Variants in TENM3 observed in about 807,000 individuals in gnomAD.
TENM3 encodes teneurin transmembrane protein 3.
A neutral mutation model predicts 255.1 loss-of-function variants in TENM3; 63 were observed. That is an observed-to-expected ratio of 0.25 (90% CI 0.20 to 0.30). TENM3 has a LOEUF of 0.30. Ranked by LOEUF, TENM3 falls within the 10% of genes least tolerant of loss-of-function variation. The pLI is 1.00. For missense variants in TENM3, 2,929 were observed against 3,461.1 expected (o/e 0.85, Z 3.86); for synonymous variants, 1,306 against 1,322.3 (o/e 0.99, Z 0.27).
intron 1 of TENM3, among the ~76,000 whole-genome samples, chr4:182,163,609 T>G (rs1400071969): frequency 6.6e-6 from 1 of 152,200 alleles, no homozygotes; most frequent in African/African-American, 2.4e-5. Context: ...TGCTGCACTT[T>G]TAGTTTATTA....
chr4:182,094,842 G>A, the TENM3 span, among the ~76,000 whole-genome samples: 6 of 151,160 alleles, frequency 4.0e-5, no homozygotes, highest in African/African-American at 7.3e-5. Flanking sequence ...GGAAAGAATC[G>A]GAAATTAAAG....
At chr4:182,495,313 A>G (rs1303211981) in intron 3 of TENM3, among the ~76,000 whole-genome samples, 1 of 152,194 alleles carries the variant, frequency 6.6e-6, no homozygotes, top group East Asian at 1.9e-4. Context: ...GCTGCTGTGA[A>G]CATGGTTATT....
At chr4:181,770,566 T>G in the TENM3 span, among the ~76,000 whole-genome samples, 845 of 151,272 alleles carry the variant, frequency 5.6e-3, 7 homozygotes, top group African/African-American at 0.02. Flanking sequence ...TCCCAGCTAC[T>G]TGGGAGGCTG....
At chr4:181,641,380 G>A in the TENM3 span, among the ~76,000 whole-genome samples, 44 of 150,988 alleles carry the variant, frequency 2.9e-4, no homozygotes, top group Non-Finnish European at 5.2e-4. Context: ...TCCCCTCCCT[G>A]TGTCCACGTT....
chr4:181,735,082 T>TA, the TENM3 span, among the ~76,000 whole-genome samples: 1 of 151,986 alleles, frequency 6.6e-6, no homozygotes, highest in Non-Finnish European at 1.5e-5. Context: ...ACTGGGTATG[T>TA]AAAAAATATA....
the TENM3 span, among the ~76,000 whole-genome samples, chr4:181,615,964 C>T: frequency 6.6e-6 from 1 of 152,106 alleles, no homozygotes; most frequent in Non-Finnish European, 1.5e-5. Flanking sequence ...CCAGTGGTAA[C>T]TAATAGTCTC....
the TENM3 span, among the ~76,000 whole-genome samples, chr4:182,093,576 A>G: frequency 3.4e-3 from 512 of 152,290 alleles, 2 homozygotes; most frequent in African/African-American, 0.012. Context: ...GCCAGAGAAC[A>G]TGAGCCCCCG....
intron 3 of TENM3, among the ~76,000 whole-genome samples, chr4:182,355,671 G>C (rs927514419): frequency 8.5e-5 from 13 of 152,266 alleles, no homozygotes; most frequent in East Asian, 7.7e-4. Context: ...TCAAAAACCA[G>C]AAAGGAAAGG....
chr4:182,458,896 C>G (rs992344071), intron 3 of TENM3, among the ~76,000 whole-genome samples: 1 of 152,148 alleles, frequency 6.6e-6, no homozygotes, highest in African/African-American at 2.4e-5. Flanking sequence ...ATGCCTGCCA[C>G]TTTTGGTATT....
intron 4 of TENM3, among the ~76,000 whole-genome samples, chr4:182,621,693 T>TA (rs1750204041): frequency 2.4e-4 from 1 of 4,232 alleles, no homozygotes; most frequent in Non-Finnish European, 1.7e-3. Flanking sequence ...ATATAATATA[T>TA]ATTATATATA....
intron 13 of TENM3, among the ~76,000 whole-genome samples, chr4:182,716,559 C>G (rs1352367189): frequency 6.6e-6 from 1 of 152,154 alleles, no homozygotes; most frequent in East Asian, 1.9e-4. Flanking sequence ...TCAGTGCCAG[C>G]CTTCTTATGC....
the TENM3 span, among the ~76,000 whole-genome samples, chr4:181,578,576 C>G: frequency 6.6e-6 from 1 of 152,146 alleles, no homozygotes; most frequent in African/African-American, 2.4e-5. Flanking sequence ...TGCCACTGAC[C>G]AGGGATGTCA....
In TENM3 at chr4:182,152,081, T is replaced by C. The variant is rs73869699; in HGVS notation, c.-76+7327T>C. Among the ~76,000 whole-genome samples, 1,151 of 151,978 alleles carry C rather than the reference T, an allele frequency of 7.6e-3. 17 individuals are homozygous for C. Among genetic ancestry groups the C allele is most frequent in the African/African-American group, 0.026 (1,094 of 41,530 alleles). On this transcript the variant is annotated intron_variant, in intron 1 of 2. Coordinates refer to the TENM3 transcript ENST00000512480. ...CTTTTAGCTAATACTTCCAGAAAAT[T>C]CCAAAATAATTAGAAAAGCTCTTGA...
the TENM3 span, among the ~76,000 whole-genome samples, chr4:181,982,263 T>C: frequency 1.3e-5 from 2 of 152,114 alleles, no homozygotes; most frequent in Non-Finnish European, 2.9e-5. Flanking sequence ...AAGACCACGT[T>C]GAACAAGAAC....
chr4:181,449,578 G>C, the TENM3 span, among the ~76,000 whole-genome samples: 375 of 152,280 alleles, frequency 2.5e-3, no homozygotes, highest in Non-Finnish European at 4.2e-3. Context: ...GAGGTCAGGA[G>C]TTCGAGACCA....
At chr4:181,528,947 AAT>A in the TENM3 span, among the ~76,000 whole-genome samples, 2 of 152,352 alleles carry the variant, frequency 1.3e-5, no homozygotes, top group Admixed American at 1.3e-4. Context: ...AGTTGATATA[AAT>A]ATATGTCTAT....
chr4:181,904,225 G>C, the TENM3 span, among the ~76,000 whole-genome samples: 12 of 152,148 alleles, frequency 7.9e-5, no homozygotes, highest in East Asian at 1.8e-3. Flanking sequence ...GCCACTATCA[G>C]TCCTCACATG....
chr4:182,174,445 G>GTT (rs34770548), intron 1 of TENM3, among the ~76,000 whole-genome samples: 8 of 135,376 alleles, frequency 5.9e-5, no homozygotes, highest in Middle Eastern at 7.0e-3. Context: ...CTCTTTTTGT[G>GTT]TTTTTTTTTT....
At chr4:182,266,916 C>T (rs926624762) in intron 1 of TENM3, among the ~76,000 whole-genome samples, 4 of 152,164 alleles carry the variant, frequency 2.6e-5, no homozygotes, top group Admixed American at 2.0e-4. Context: ...TTATCATCCA[C>T]AGACAATTGT....
Sources: gnomAD v4.1 joint callset for allele counts (sites outside exome capture counted in the v4.1 genomes callset) on GRCh38, gnomAD v4.1.1 for gene constraint, MANE v1.5 for transcripts, NCBI Gene and HGNC (gene_info 2026-07-23, HGNC 2026-07-21) for gene names.